NQO1: variants seen among roughly 807,000 people sequenced by gnomAD.
NQO1 encodes NAD(P)H quinone dehydrogenase 1, also known as NAD(P)H dehydrogenase [quinone] 1.
A neutral mutation model predicts 32.1 loss-of-function variants in NQO1; 30 were observed. The observed-to-expected ratio is 0.94, with a 90% CI of 0.70 to 1.27. NQO1 has a LOEUF of 1.27. NQO1 is among the 50% of genes most tolerant of loss of function. NQO1 has a pLI of 0.00. For synonymous variants in NQO1, 109 were observed against 119.7 expected (o/e 0.91, Z 0.59); for missense variants, 276 against 331.3 (o/e 0.83, Z 1.30).
In NQO1 at chr16:69,713,503, AG is replaced by A. The variant is rs150113976; in HGVS notation, c.418-375del. Among the ~76,000 whole-genome samples the A allele has an allele frequency of 8.3e-4, 126 of 152,304 alleles. 1 individual carries two copies. The highest frequency in any genetic ancestry group is 9.0e-4 in the Non-Finnish European group (61 of 68,030). ...AGCTCTTTCATCTGGAAGGTCTCGA[AG>A]GGTTCCCTGTGCAGGATTTGGGCCT... On this transcript the variant is annotated intron_variant, in intron 4 of 5. Transcript: ENST00000320623.
At chr16:69,716,805 G>T (rs2038119039) in intron 3 of NQO1, among the ~76,000 whole-genome samples, 1 of 152,062 alleles carries the variant, frequency 6.6e-6, no homozygotes, top group Non-Finnish European at 1.5e-5. Flanking sequence ...TAAAAAATTA[G>T]CAGGGCATGG....
chr16:69,726,513 C>G lies in NQO1; in HGVS notation c.-74G>C, dbSNP rs2038266858. The G allele has an allele frequency of 6.3e-7, 1 of 1,582,716 alleles. No homozygotes were observed. ...GGGCGACCCTGGCCGGAACTAGGCTCTCGGTGAGCTGGGCGGCTCCGGCTG... is the reference window on the plus strand; with the variant it reads ...GGGCGACCCTGGCCGGAACTAGGCTGTCGGTGAGCTGGGCGGCTCCGGCTG... On this transcript the variant is annotated 5_prime_UTR_variant, in exon 1 of 6. Transcript: ENST00000320623.
At position 69,726,384 on chromosome 16, in the gene NQO1, C is replaced by G. The variant is rs55756790; in HGVS notation, c.7+49G>C. 1.8e-4 allele frequency: 290 copies of G among 1,609,028 alleles called. 1 individual carries two copies. The East Asian group carries it at 6.0e-3, about 33-fold the overall frequency. ...CCCCTACAACCTCCTCCACAGGCAC[C>G]AGTGCTCGAGAGACGACCGCCAAGC... On this transcript the variant is annotated intron_variant, in intron 1 of 5. Coordinates refer to ENST00000320623, the MANE Select transcript of NQO1 (RefSeq NM_000903.3).
intron 4 of NQO1, among the ~76,000 whole-genome samples, chr16:69,714,043 G>GT (rs1319394989): frequency 6.6e-6 from 1 of 151,678 alleles, no homozygotes; most frequent in Admixed American, 6.6e-5. Context: ...ACCCGGCTAA[G>GT]TTTTTTTGTA....
At position 69,710,935 on chromosome 16, in the gene NQO1, G is replaced by T. The variant is rs1430477322; in HGVS notation, c.*41C>A. On this transcript the variant is annotated 3_prime_UTR_variant, in exon 6 of 6. Coordinates refer to ENST00000320623, the MANE Select transcript of NQO1 (RefSeq NM_000903.3). ...TCAGGGAAGCCTGGAAAGATACCCA[G>T]ATTTGATAACATGTTAGAAGGAAAT... 1 of 1,568,922 alleles carries T rather than the reference G, an allele frequency of 6.4e-7. No individual in the cohort carries two copies. The highest frequency in any genetic ancestry group is 1.9e-5 in the Admixed American group (1 of 52,766).
intron 1 of NQO1, among the ~76,000 whole-genome samples, chr16:69,719,029 C>T (rs532251232): frequency 5.2e-5 from 3 of 57,200 alleles, no homozygotes; most frequent in South Asian, 6.2e-4. Flanking sequence ...TGGGAGACTC[C>T]GTCTCAAAAA....
intron 4 of NQO1, 90 bp downstream of exon 4, chr16:69,714,874 C>T: frequency 1.1e-6 from 1 of 893,154 alleles, no homozygotes; most frequent in Non-Finnish European, 1.8e-6. Flanking sequence ...AGGGAAGCTC[C>T]ATCTCAAACA....
intron 1 of NQO1, among the ~76,000 whole-genome samples, chr16:69,721,089 G>A (rs2038183291): frequency 6.7e-6 from 1 of 148,442 alleles, no homozygotes; most frequent in Admixed American, 6.8e-5. Context: ...ATGTTGCCCA[G>A]GCTGGTCAAA....
Position 69,718,264 on chromosome 16 carries a change from GA to G in NQO1, c.173-12del, listed in dbSNP as rs910699449. Reference sequence around the variant, plus strand: ...GGTCCTTCAGTTTACCTGCAGAGAAGAAAAAGAGAGGCTGGGGCCAGAGGGG... The same window carrying G: ...GGTCCTTCAGTTTACCTGCAGAGAAGAAAAGAGAGGCTGGGGCCAGAGGGG... On this transcript the variant is annotated splice_polypyrimidine_tract_variant and intron_variant, in intron 2 of 5. Transcript: ENST00000320623. The G allele has an allele frequency of 5.6e-6, 9 of 1,613,532 alleles. No individual in the cohort carries two copies. Among genetic ancestry groups the G allele is most frequent in the African/African-American group, 1.3e-5 (1 of 74,832 alleles).
Position 69,709,878 on chromosome 16 carries a change from T to C in NQO1, c.*1098A>G, listed in dbSNP as rs2038013894. 5.0e-6 allele frequency: 2 copies of C among 398,558 alleles called. No individual in the cohort carries two copies. The highest frequency in any genetic ancestry group is 8.8e-6 in the Non-Finnish European group (2 of 226,038). The allele number at this position is 398,558 out of a possible 1,614,324, so 24.7% of individuals were successfully genotyped here. ...CCATAGTAAGTCATCAGTTTAGCAA[T>C]GATAAAGAAAATAACCTTCTGAAAA... On this transcript the variant is annotated 3_prime_UTR_variant, in exon 6 of 6. Coordinates refer to ENST00000320623, the MANE Select transcript of NQO1 (RefSeq NM_000903.3).
intron 1 of NQO1, among the ~76,000 whole-genome samples, chr16:69,725,719 T>C (rs1182155665): frequency 2.0e-5 from 3 of 152,080 alleles, no homozygotes; most frequent in Non-Finnish European, 4.4e-5. Context: ...ACTAAAAATA[T>C]AAAAATTAGC....
rs775472154 is a variant in NQO1 at position 69,715,077 on chromosome 16, A to C, written c.304T>G (p.Phe102Val). ...GGGACTCCAAACCACTGCAGGGGGA[A>C]CTGTGGGACAGAAGACATCATTGAG... is the stretch of plus-strand genomic sequence containing the variant. ...LEAADLVIFQFPLQWFGVPAI... is the reference protein window; with the variant it reads ...LEAADLVIFQVPLQWFGVPAI... The change falls in exon 4 of 6, where the codon TTC (phenylalanine) becomes GTC (valine). Residue 102 changes from phenylalanine to valine, a missense_variant and splice_region_variant. By Grantham distance (50) the Phe-to-Val change is conservative (BLOSUM62 -1). Coordinates refer to ENST00000320623, the MANE Select transcript of NQO1 (RefSeq NM_000903.3). The C allele has an allele frequency of 2.5e-6, 4 of 1,611,192 alleles. No homozygotes were observed. The highest frequency in any genetic ancestry group is 4.5e-5 in the East Asian group (2 of 44,808).
At chr16:69,718,328 C>A (rs759012601) in intron 2 of NQO1, 42 bp downstream of exon 2, 1 of 1,613,304 alleles carries the variant, frequency 6.2e-7, no homozygotes, top group Non-Finnish European at 8.5e-7. Context: ...CAAGGAGATC[C>A]GCAAAGAACT....
chr16:69,711,006 T>G lies in NQO1; in HGVS notation c.795A>C (p.Pro265=). Reference sequence around the variant, plus strand: ...TTCTAGCTTTGATCTGGTTGTCAGTTGGGATGGACTTGCCCAAGTGATGGC... The same window carrying G: ...TTCTAGCTTTGATCTGGTTGTCAGTGGGGATGGACTTGCCCAAGTGATGGC... The part of the protein sequence containing the change: ...SVGHHLGKSI[P]TDNQIKARK Residue 265 remains proline (P), a synonymous_variant, in exon 6 of 6, where the codon CCA becomes CCC. Coordinates refer to ENST00000320623, the MANE Select transcript of NQO1 (RefSeq NM_000903.3). 6.2e-7 allele frequency: 1 copy of G among 1,613,744 alleles called. No homozygotes were observed. Among genetic ancestry groups the G allele is most frequent in the Non-Finnish European group, 8.5e-7 (1 of 1,179,868 alleles).
In NQO1 at chr16:69,709,917, GAAAT is replaced by G. The variant is rs1332899221; in HGVS notation, c.*1055_*1058del. 2 of 398,026 alleles carry G rather than the reference GAAAT, an allele frequency of 5.0e-6. No homozygotes were observed. Among genetic ancestry groups the G allele is most frequent in the African/African-American group, 4.1e-5 (2 of 48,604 alleles). 24.7% of individuals were successfully genotyped at this position (398,026 alleles called of 1,614,324 possible). On this transcript the variant is annotated 3_prime_UTR_variant, in exon 6 of 6. Coordinates refer to ENST00000320623, the MANE Select transcript of NQO1 (RefSeq NM_000903.3). ...ACCTTCTGAAAATTTGTATAGATCA[GAAAT>G]AAAGTATTTTTTGTGGAAGACTATT...
rs924191926 is a variant in NQO1, at chr16:69,713,871, AT to A, written c.418-743del. Among the ~76,000 whole-genome samples, 14 of 135,330 alleles carry A rather than the reference AT, an allele frequency of 1.0e-4. 1 individual carries two copies. Among genetic ancestry groups the A allele is most frequent in the South Asian group, 5.2e-4 (2 of 3,834 alleles). The allele number at this position is 135,330 out of a possible 152,430, so 88.8% of individuals were successfully genotyped here. ...AGGTGCCCACCACCACATCCGGCTA[AT>A]TTTTTTTTTGTTTTTGTTTTTGATA... On this transcript the variant is annotated intron_variant, in intron 4 of 5. Coordinates refer to ENST00000320623, the MANE Select transcript of NQO1 (RefSeq NM_000903.3).
intron 4 of NQO1, 151 bp from the exon 5 acceptor site, chr16:69,713,280 A>AAT (rs1206611172): frequency 1.6e-6 from 1 of 635,190 alleles, no homozygotes; most frequent in Non-Finnish European, 2.7e-6. Flanking sequence ...TGAGCTACAT[A>AAT]ATATGACTCT....
rs758008050 is a variant in NQO1 at position 69,713,174 on chromosome 16, C to A, written c.418-45G>T. On this transcript the variant is annotated intron_variant, in intron 4 of 5. Coordinates refer to ENST00000320623, the MANE Select transcript of NQO1 (RefSeq NM_000903.3). ...AACAAACTTCACTTCCCTCCACATC[C>A]CCTTGGTGACAAGAAGTTAATGAAA... 5.0e-5 allele frequency: 69 copies of A among 1,390,894 alleles called. No homozygotes were observed. The South Asian group carries it at 7.4e-4, about 15-fold the overall frequency. The allele number at this position is 1,390,894 out of a possible 1,614,324, so 86.2% of individuals were successfully genotyped here.
At chr16:69,725,861 CA>C (rs2038254378) in intron 1 of NQO1, among the ~76,000 whole-genome samples, 1 of 145,514 alleles carries the variant, frequency 6.9e-6, no homozygotes, top group Admixed American at 7.2e-5. Context: ...GCGACAAGAG[CA>C]AAACTCCGTC....
Sources: allele counts gnomAD v4.1 joint callset (sites outside exome capture counted in the v4.1 genomes callset), GRCh38; gene constraint gnomAD v4.1.1; transcripts MANE v1.5; gene names NCBI Gene and HGNC (gene_info 2026-07-23, HGNC 2026-07-21).